TMEM45A: variants seen among roughly 807,000 people sequenced by gnomAD.
TMEM45A encodes DNA polymerase-transactivated protein 4.
Under a neutral mutation model 32.0 loss-of-function variants are expected in TMEM45A, and 25 were observed. That is an observed-to-expected ratio of 0.78 (90% CI 0.57 to 1.09). The LOEUF is 1.09. TMEM45A is among the 50% of genes least tolerant of loss of function. TMEM45A has a pLI of 0.00. For missense variants in TMEM45A, 302 were observed against 325.0 expected, an observed-to-expected ratio of 0.93 and a Z score of 0.54; for synonymous variants, 122 against 114.8, an observed-to-expected ratio of 1.06 and a Z score of -0.40.
In TMEM45A at chr3:100,505,606, G is replaced by A. The variant is rs145321376; in HGVS notation, c.-4+12678G>A. ...AAAAACACTGGTTTTAAGATTGTCT[G>A]TTCTGTGTAATGATACTGGTATTGA... On this transcript the variant is annotated intron_variant, in intron 1 of 5. Transcript: ENST00000323523. 3.1e-3 allele frequency among the ~76,000 whole-genome samples: 478 copies of A among 152,298 alleles called. 4 individuals are homozygous for A. Among genetic ancestry groups the A allele is most frequent in the Non-Finnish European group, 5.1e-3 (348 of 68,024 alleles).
At chr3:100,564,891 A>G (rs1207075042) in intron 4 of TMEM45A, among the ~76,000 whole-genome samples, 1 of 152,228 alleles carries the variant, frequency 6.6e-6, no homozygotes. Context: ...ATATAGTGCC[A>G]TGTCCTCGTG....
chr3:100,575,896 CT>C (rs1163411783), intron 5 of TMEM45A, among the ~76,000 whole-genome samples: 1 of 152,218 alleles, frequency 6.6e-6, no homozygotes, highest in Non-Finnish European at 1.5e-5. Context: ...CATGCACTTC[CT>C]TTATATGATA....
In TMEM45A at chr3:100,558,410, A is replaced by G. The variant is rs1033889203; in HGVS notation, c.409A>G (p.Ile137Val). The change falls in exon 4 of 6, where the codon ATC becomes GTC. Residue 137 changes from isoleucine to valine, a missense_variant. By Grantham distance (29) the Ile-to-Val change is conservative. Coordinates refer to ENST00000323523, the MANE Select transcript of TMEM45A (RefSeq NM_018004.3). ...ATCTGTTTTTTCCCCATCAGCCTTTATCTTCTACAACCACACTCATGGCCG... is the reference window on the plus strand; with the variant it reads ...ATCTGTTTTTTCCCCATCAGCCTTTGTCTTCTACAACCACACTCATGGCCG... ...LSNALFVEAF[I>V]FYNHTHGREM... is the part of the protein sequence containing the mutation. 5 of 1,613,104 alleles carry G rather than the reference A, an allele frequency of 3.1e-6. No homozygotes were observed. The highest frequency in any genetic ancestry group is 4.2e-6 in the Non-Finnish European group (5 of 1,179,962).
chr3:100,512,642 A>C (rs1197799551), intron 1 of TMEM45A, among the ~76,000 whole-genome samples: 1 of 150,598 alleles, frequency 6.6e-6, no homozygotes, highest in East Asian at 1.9e-4. Context: ...AACTGAAGGA[A>C]ATAGAGACAC....
intron 1 of TMEM45A, among the ~76,000 whole-genome samples, chr3:100,503,758 T>G (rs1708039605): frequency 2.0e-5 from 3 of 152,208 alleles, no homozygotes; most frequent in African/African-American, 7.2e-5. Flanking sequence ...GGCTTCTTCT[T>G]GTTTTACCCT....
intron 2 of TMEM45A, 40 bp downstream of exon 2, chr3:100,555,441 T>A (rs1706200382): frequency 1.3e-6 from 2 of 1,537,922 alleles, no homozygotes; most frequent in African/African-American, 1.4e-5. Flanking sequence ...ACCTTTTAGG[T>A]GTTTTCATTC....
rs1290950792 is a variant in TMEM45A at position 100,509,318 on chromosome 3, C to T, written c.-4+16390C>T. ...GCAAGGACATGGAGAAAAGAGAACT[C>T]TTACACATTGTTGGTGAGAATGTAA... On this transcript the variant is annotated intron_variant, in intron 1 of 5. Transcript: ENST00000323523. Among the ~76,000 whole-genome samples, 6 of 152,272 alleles carry T rather than the reference C, an allele frequency of 3.9e-5. No individual in the cohort carries two copies. The East Asian group carries it at 9.6e-4, about 24-fold the overall frequency.
intron 2 of TMEM45A, 58 bp downstream of exon 2, chr3:100,555,459 G>T (rs767884040): frequency 1.8e-5 from 26 of 1,474,864 alleles, no homozygotes; most frequent in African/African-American, 4.2e-5. Flanking sequence ...TTCTTTTAAA[G>T]AATTGGTTGG....
chr3:100,521,583 G>A (rs963352850), intron 1 of TMEM45A, among the ~76,000 whole-genome samples: 8 of 152,176 alleles, frequency 5.3e-5, no homozygotes, highest in African/African-American at 1.9e-4. Context: ...GATCTCAGAG[G>A]TGGCTTCTCC....
chr3:100,552,906 T>C (rs1173385322), intron 1 of TMEM45A, among the ~76,000 whole-genome samples: 1 of 152,194 alleles, frequency 6.6e-6, no homozygotes, highest in Admixed American at 6.5e-5. Context: ...CCACAGATTA[T>C]CCCAGTAACC....
chr3:100,524,917 T>A (rs78256408), intron 1 of TMEM45A, among the ~76,000 whole-genome samples: 1,587 of 152,214 alleles, frequency 0.01, 36 homozygotes, highest in African/African-American at 0.036. Context: ...AGGCCAGGCA[T>A]GGTGGCTCAC....
At position 100,558,635 on chromosome 3, in the gene TMEM45A, A is replaced by G. The variant is rs1033612668; in HGVS notation, c.588+46A>G. The G allele has an allele frequency of 4.4e-6, 7 of 1,579,210 alleles. No homozygotes were observed. In the African/African-American group the frequency reaches 9.5e-5, roughly 22 times the overall value. Reference sequence around the variant, plus strand: ...AATGTACCTGGACTCTTTGCCTGTAACTTCTCTGTTTATTTGATGAGGCAG... The same window carrying G: ...AATGTACCTGGACTCTTTGCCTGTAGCTTCTCTGTTTATTTGATGAGGCAG... On this transcript the variant is annotated intron_variant, in intron 4 of 5. Transcript: ENST00000323523.
At chr3:100,536,703 G>T (rs1020960866) in intron 1 of TMEM45A, among the ~76,000 whole-genome samples, 1 of 152,078 alleles carries the variant, frequency 6.6e-6, no homozygotes, top group African/African-American at 2.4e-5. Flanking sequence ...CAACAGCTTT[G>T]CTCAGGGCAT....
chr3:100,574,316 A>G (rs1417434503), intron 5 of TMEM45A: 1 of 152,206 alleles, frequency 6.6e-6, no homozygotes. Context: ...GATAAAGGGG[A>G]TGTCACCACC....
At chr3:100,503,347 C>T (rs947021775) in intron 1 of TMEM45A, among the ~76,000 whole-genome samples, 2 of 152,084 alleles carry the variant, frequency 1.3e-5, no homozygotes, top group African/African-American at 2.4e-5. Context: ...TCAAGTGATC[C>T]GCCCACCTCA....
At chr3:100,533,005 G>A (rs1224023434) in intron 1 of TMEM45A, among the ~76,000 whole-genome samples, 1 of 152,102 alleles carries the variant, frequency 6.6e-6, no homozygotes, top group African/African-American at 2.4e-5. Flanking sequence ...CCTATGAAAT[G>A]CAGCTCTTTC....
At chr3:100,529,597 C>T (rs1015496062) in intron 1 of TMEM45A, among the ~76,000 whole-genome samples, 1 of 151,988 alleles carries the variant, frequency 6.6e-6, no homozygotes, top group Non-Finnish European at 1.5e-5. Context: ...GGAGTCAAAA[C>T]CTCAGATTTC....
chr3:100,531,350 ACT>A (rs1705644174), intron 1 of TMEM45A, among the ~76,000 whole-genome samples: 1 of 152,058 alleles, frequency 6.6e-6, no homozygotes, highest in African/African-American at 2.4e-5. Context: ...TAATAATATA[ACT>A]CAGCATTTTT....
chr3:100,509,063 A>G (rs1231817971), intron 1 of TMEM45A, among the ~76,000 whole-genome samples: 3 of 152,226 alleles, frequency 2.0e-5, no homozygotes, highest in Non-Finnish European at 4.4e-5. Flanking sequence ...TTAACTATTC[A>G]TTTGACAAGG....
Sources: gnomAD v4.1 joint callset for allele counts (sites outside exome capture counted in the v4.1 genomes callset) on GRCh38, gnomAD v4.1.1 for gene constraint, MANE v1.5 for transcripts, NCBI Gene and HGNC (gene_info 2026-07-23, HGNC 2026-07-21) for gene names.